DYM: variants seen among roughly 807,000 people sequenced by gnomAD.
DYM encodes dyggve-Melchior-Clausen syndrome protein.
Under a neutral mutation model 93.1 loss-of-function variants are expected in DYM, and 78 were observed. The ratio of observed to expected loss-of-function variants is 0.84; its 90% CI spans 0.70 to 1.01. DYM has a LOEUF of 1.01. Among genes scored for constraint, DYM ranks in the 50% least tolerant of loss-of-function variants. The pLI, the probability that DYM is intolerant of heterozygous loss-of-function variation, is 0.00. For missense variants in DYM, 789 were observed against 845.0 expected, an observed-to-expected ratio of 0.93 and a Z score of 0.82; for synonymous variants, 321 against 319.7, an observed-to-expected ratio of 1.00 and a Z score of -0.04.
chr18:49,422,429 A>G (rs576658362), intron 2 of DYM, among the ~76,000 whole-genome samples: 2 of 152,216 alleles, frequency 1.3e-5, no homozygotes, highest in East Asian at 1.9e-4. Context: ...AAGGAGAAAT[A>G]AAATACAAAA....
intron 15 of DYM, among the ~76,000 whole-genome samples, chr18:49,151,882 T>C (rs1253393324): frequency 6.6e-6 from 1 of 152,174 alleles, no homozygotes; most frequent in Non-Finnish European, 1.5e-5. Context: ...TAAAGATTTC[T>C]CAAATAAGTA....
At chr18:49,455,053 T>C (rs1180749127) in intron 1 of DYM, among the ~76,000 whole-genome samples, 1 of 150,954 alleles carries the variant, frequency 6.6e-6, no homozygotes, top group Non-Finnish European at 1.5e-5. Flanking sequence ...AAAATAAAAA[T>C]AATAAAGAAA....
At chr18:49,256,702 C>T (rs528123170) in intron 13 of DYM, among the ~76,000 whole-genome samples, 52 of 152,224 alleles carry the variant, frequency 3.4e-4, no homozygotes, top group Non-Finnish European at 7.1e-4. Context: ...CTATAAAATG[C>T]GCATCAAATA....
chr18:49,452,367 T>C (rs111674878), intron 1 of DYM, among the ~76,000 whole-genome samples: 13,896 of 152,112 alleles, frequency 0.091, 857 homozygotes, highest in East Asian at 0.31. Flanking sequence ...CGGGTTGCCA[T>C]TGCTGGTTCA....
At chr18:49,422,948 G>A (rs1456909784) in intron 2 of DYM, among the ~76,000 whole-genome samples, 1 of 152,054 alleles carries the variant, frequency 6.6e-6, no homozygotes, top group Non-Finnish European at 1.5e-5. Flanking sequence ...AATAATAATG[G>A]GAGACTTTCA....
intron 8 of DYM, among the ~76,000 whole-genome samples, chr18:49,303,452 G>C (rs2061072669): frequency 6.6e-6 from 1 of 152,192 alleles, no homozygotes; most frequent in Non-Finnish European, 1.5e-5. Flanking sequence ...GGGAACTCCA[G>C]GAGAGCTTTC....
At chr18:49,215,248 T>G (rs2092978688) in intron 13 of DYM, among the ~76,000 whole-genome samples, 1 of 152,198 alleles carries the variant, frequency 6.6e-6, no homozygotes, top group Admixed American at 6.5e-5. Context: ...TGATTGATAT[T>G]AAAATCTGTT....
intron 1 of DYM, among the ~76,000 whole-genome samples, chr18:49,456,792 G>T (rs562096924): frequency 6.6e-6 from 1 of 152,084 alleles, no homozygotes; most frequent in South Asian, 2.1e-4. Context: ...AAAGTTCAAA[G>T]CATAAAGCTC....
rs1449842169 is a variant in DYM, at chr18:49,193,705, TG to T, written c.1625+15845del. 5.9e-5 allele frequency among the ~76,000 whole-genome samples: 9 copies of T among 152,358 alleles called. No homozygotes were observed. The East Asian group carries it at 1.5e-3, about 26-fold the overall frequency. On this transcript the variant is annotated intron_variant, in intron 14 of 17. Transcript: ENST00000675505. ...TATAATGCTGTGACATTCAATAAGATGAAACTTTGATCAGAGAAGGGACTCC... is the reference window on the plus strand; with the variant it reads ...TATAATGCTGTGACATTCAATAAGATAAACTTTGATCAGAGAAGGGACTCC...
chr18:49,131,933 A>G (rs548349353), intron 15 of DYM, among the ~76,000 whole-genome samples: 1 of 152,298 alleles, frequency 6.6e-6, no homozygotes, highest in South Asian at 2.1e-4. Context: ...TGGATGGGAG[A>G]AAAAAGAAAG....
At chr18:49,141,998 C>T (rs1303946836) in intron 15 of DYM, among the ~76,000 whole-genome samples, 5 of 151,604 alleles carry the variant, frequency 3.3e-5, no homozygotes, top group African/African-American at 4.8e-5. Context: ...GGACTACAGG[C>T]GCCCACCACC....
intron 2 of DYM, 48 bp downstream of exon 2, chr18:49,430,207 T>A: frequency 6.3e-7 from 1 of 1,576,390 alleles, no homozygotes; most frequent in Non-Finnish European, 8.7e-7. Context: ...ACCACACAAG[T>A]TGATATGGCC....
chr18:49,296,577 T>C (rs192631506), intron 8 of DYM, among the ~76,000 whole-genome samples: 3 of 152,004 alleles, frequency 2.0e-5, no homozygotes, highest in African/African-American at 7.2e-5. Flanking sequence ...ATAAGAAAAG[T>C]TACCTAAATG....
chr18:49,355,653 G>A (rs2065491959), intron 6 of DYM, among the ~76,000 whole-genome samples: 1 of 152,162 alleles, frequency 6.6e-6, no homozygotes, highest in Non-Finnish European at 1.5e-5. Context: ...CACTGACGGT[G>A]CAGAAGGCTA....
chr18:49,147,044 T>C (rs2085236855), intron 15 of DYM, among the ~76,000 whole-genome samples: 1 of 152,040 alleles, frequency 6.6e-6, no homozygotes, highest in African/African-American at 2.4e-5. Context: ...TAATGCCGCA[T>C]ATCTACAACT....
At chr18:49,298,997 A>C (rs1315903859) in intron 8 of DYM, among the ~76,000 whole-genome samples, 1 of 152,230 alleles carries the variant, frequency 6.6e-6, no homozygotes, top group African/African-American at 2.4e-5. Context: ...ATGATCCATG[A>C]AACAGGAAAG....
chr18:49,099,681 C>T (rs2079927169), intron 16 of DYM, among the ~76,000 whole-genome samples: 2 of 152,080 alleles, frequency 1.3e-5, no homozygotes, highest in South Asian at 4.1e-4. Flanking sequence ...TGGGTAATTA[C>T]AGATTACTAA....
chr18:49,132,819 G>GA (rs2083486272), intron 15 of DYM, among the ~76,000 whole-genome samples: 1 of 152,014 alleles, frequency 6.6e-6, no homozygotes, highest in Non-Finnish European at 1.5e-5. Flanking sequence ...ATTCAAAGGA[G>GA]AAAAAAGTCA....
At chr18:49,199,033 G>C (rs2091769966) in intron 14 of DYM, among the ~76,000 whole-genome samples, 1 of 152,192 alleles carries the variant, frequency 6.6e-6, no homozygotes, top group African/African-American at 2.4e-5. Context: ...ATACACCATG[G>C]AATACTATGT....
Sources: allele counts gnomAD v4.1 joint callset (sites outside exome capture counted in the v4.1 genomes callset), GRCh38; gene constraint gnomAD v4.1.1; transcripts MANE v1.5; gene names NCBI Gene and HGNC (gene_info 2026-07-23, HGNC 2026-07-21).